The following DCC variants were observed in gnomAD, a reference collection of about 807,000 sequenced individuals.
DCC encodes DCC netrin 1 receptor.
Under a neutral mutation model 172.5 loss-of-function variants are expected in DCC, and 58 were observed. The observed-to-expected ratio is 0.34, with a 90% CI of 0.27 to 0.42. DCC has a LOEUF of 0.42. Ranked by LOEUF, DCC falls within the 10% of genes least tolerant of loss-of-function variation. The pLI is 1.00. For missense variants in DCC, 1,740 were observed against 1,791.0 expected, an observed-to-expected ratio of 0.97 and a Z score of 0.51; for synonymous variants, 709 against 644.5, an observed-to-expected ratio of 1.10 and a Z score of -1.52.
chr18:53,116,164 CTTGAACAAAGAA>C (rs946252334), intron 7 of DCC, among the ~76,000 whole-genome samples: 3 of 151,590 alleles, frequency 2.0e-5, no homozygotes, highest in African/African-American at 7.3e-5. Flanking sequence ...TTCTTGGCCA[CTTGAACAAAGAA>C]TTGGACAAAA....
At chr18:52,679,894 T>C (rs1001655826) in intron 1 of DCC, among the ~76,000 whole-genome samples, 3 of 152,114 alleles carry the variant, frequency 2.0e-5, no homozygotes, top group African/African-American at 7.2e-5. Flanking sequence ...TGTATTCTAA[T>C]AGACTTTTTA....
At chr18:52,929,176 G>T (rs1251713430) in intron 5 of DCC, among the ~76,000 whole-genome samples, 1 of 152,010 alleles carries the variant, frequency 6.6e-6, no homozygotes, top group Non-Finnish European at 1.5e-5. Flanking sequence ...CCCAACCTTA[G>T]GTGCTACTTT....
intron 1 of DCC, among the ~76,000 whole-genome samples, chr18:52,411,502 A>C (rs1986841417): frequency 6.6e-6 from 1 of 152,160 alleles, no homozygotes; most frequent in South Asian, 2.1e-4. Flanking sequence ...TAATGAGAAA[A>C]TTCTCCCAGT....
chr18:52,461,825 C>T (rs1988639789), intron 1 of DCC, among the ~76,000 whole-genome samples: 1 of 152,180 alleles, frequency 6.6e-6, no homozygotes, highest in African/African-American at 2.4e-5. Flanking sequence ...TTTTTATCTC[C>T]AGCTCAGACC....
At chr18:53,242,720 A>C (rs1036280870) in intron 12 of DCC, among the ~76,000 whole-genome samples, 1 of 152,174 alleles carries the variant, frequency 6.6e-6, no homozygotes, top group African/African-American at 2.4e-5. Context: ...AATATGCTGG[A>C]CAGGCCTGAT....
At chr18:53,502,424 A>G (rs1029601121) in intron 27 of DCC, among the ~76,000 whole-genome samples, 4 of 152,192 alleles carry the variant, frequency 2.6e-5, no homozygotes, top group African/African-American at 9.7e-5. Context: ...ATGCTTTTTA[A>G]AAGGGCTAAT....
At chr18:52,770,309 G>A (rs565468244) in intron 2 of DCC, among the ~76,000 whole-genome samples, 8 of 152,020 alleles carry the variant, frequency 5.3e-5, no homozygotes, top group Admixed American at 2.0e-4. Flanking sequence ...AATCCTAAAC[G>A]CAGCTGCCTT....
chr18:52,473,290 C>A (rs1242516320), intron 1 of DCC, among the ~76,000 whole-genome samples: 1 of 152,126 alleles, frequency 6.6e-6, no homozygotes, highest in Non-Finnish European at 1.5e-5. Flanking sequence ...GACAAAGTGG[C>A]CTTCCATGTT....
chr18:52,960,748 G>C (rs540367217), intron 5 of DCC, among the ~76,000 whole-genome samples: 1 of 151,954 alleles, frequency 6.6e-6, no homozygotes. Context: ...CCTCCAACAC[G>C]GTTACTCTCA....
chr18:53,051,098 C>T (rs2042328018), intron 5 of DCC, among the ~76,000 whole-genome samples: 4 of 152,002 alleles, frequency 2.6e-5, no homozygotes, highest in African/African-American at 4.8e-5. Context: ...AGCATGGTGG[C>T]GTGCGCCTGT....
intron 12 of DCC, among the ~76,000 whole-genome samples, chr18:53,281,425 T>G (rs2056870508): frequency 6.6e-6 from 1 of 152,148 alleles, no homozygotes; most frequent in South Asian, 2.1e-4. Context: ...TGAGTTTTAG[T>G]CTTTAATCCA....
chr18:53,349,681 G>T lies in DCC; in HGVS notation c.2359+9774G>T, dbSNP rs537041440. Among the ~76,000 whole-genome samples, 3 of 152,294 alleles carry T rather than the reference G, an allele frequency of 2.0e-5. No individual in the cohort carries two copies. The East Asian group carries it at 5.8e-4, about 29-fold the overall frequency. ...AGAGCAAATCACAACCTACATGACT[G>T]GCAGCAGGCCAAAAGAGAGCTTGTG... On this transcript the variant is annotated intron_variant, in intron 15 of 28. Coordinates refer to ENST00000442544, the MANE Select transcript of DCC (RefSeq NM_005215.4).
intron 1 of DCC, among the ~76,000 whole-genome samples, chr18:52,483,500 A>G (rs1010915483): frequency 6.6e-6 from 1 of 152,112 alleles, no homozygotes; most frequent in African/African-American, 2.4e-5. Context: ...TATAAATATT[A>G]TTAACAATTT....
At chr18:52,521,454 G>A (rs2031812558) in intron 1 of DCC, among the ~76,000 whole-genome samples, 1 of 152,242 alleles carries the variant, frequency 6.6e-6, no homozygotes, top group South Asian at 2.1e-4. Flanking sequence ...GTCTGGTAGG[G>A]TTCAGTTTTC....
intron 1 of DCC, among the ~76,000 whole-genome samples, chr18:52,434,614 A>C (rs1568168713): frequency 6.6e-6 from 1 of 151,790 alleles, no homozygotes; most frequent in South Asian, 2.1e-4. Flanking sequence ...ATGCTAATAA[A>C]CCAGCAGTTT....
At chr18:53,393,951 C>T (rs1908749609) in intron 17 of DCC, among the ~76,000 whole-genome samples, 1 of 151,592 alleles carries the variant, frequency 6.6e-6, no homozygotes, top group Non-Finnish European at 1.5e-5. Flanking sequence ...ATATCCATAC[C>T]CTGATATGAG....
At chr18:52,552,590 G>A (rs1353888627) in intron 1 of DCC, among the ~76,000 whole-genome samples, 1 of 151,954 alleles carries the variant, frequency 6.6e-6, no homozygotes, top group Admixed American at 6.6e-5. Flanking sequence ...GACAGTAAAA[G>A]CATCTAGCAA....
intron 27 of DCC, among the ~76,000 whole-genome samples, chr18:53,524,599 A>G (rs1439896871): frequency 6.6e-6 from 1 of 152,098 alleles, no homozygotes; most frequent in African/African-American, 2.4e-5. Context: ...TTTTAAGTCA[A>G]TGCTGGAGTT....
chr18:52,834,196 A>G (rs1392468803), intron 2 of DCC, among the ~76,000 whole-genome samples: 2 of 152,166 alleles, frequency 1.3e-5, no homozygotes, highest in African/African-American at 4.8e-5. Context: ...TCCATCTTCA[A>G]TCAGCATCAC....
Sources: gnomAD v4.1 joint callset for allele counts (sites outside exome capture counted in the v4.1 genomes callset) on GRCh38, gnomAD v4.1.1 for gene constraint, MANE v1.5 for transcripts, NCBI Gene and HGNC (gene_info 2026-07-23, HGNC 2026-07-21) for gene names.